Variants in ZBTB20 observed in about 807,000 individuals in gnomAD.
The protein encoded by ZBTB20 is zinc finger and BTB domain-containing protein 20.
Under a neutral mutation model 56.9 loss-of-function variants are expected in ZBTB20, and 9 were observed. That is an observed-to-expected ratio of 0.16 (90% CI 0.10 to 0.28). The LOEUF is 0.28. ZBTB20 is among the 10% of genes least tolerant of loss of function. The probability of loss-of-function intolerance (pLI) is 1.00; values close to 1 mark genes in which losing one functional copy is unlikely to be tolerated. For synonymous variants in ZBTB20, 417 were observed against 420.7 expected, an observed-to-expected ratio of 0.99 and a Z score of 0.11; for missense variants, 655 against 1,003.0, an observed-to-expected ratio of 0.65 and a Z score of 4.69.
chr3:114,692,976 A>G (rs2062789038), intron 6 of ZBTB20, among the ~76,000 whole-genome samples: 1 of 152,156 alleles, frequency 6.6e-6, no homozygotes. Context: ...AAGAGCAACC[A>G]TGTCTAATTT....
intron 5 of ZBTB20, among the ~76,000 whole-genome samples, chr3:114,717,386 T>C (rs540214786): frequency 2.0e-5 from 3 of 152,102 alleles, no homozygotes; most frequent in Non-Finnish European, 4.4e-5. Flanking sequence ...ACATTACCAG[T>C]AGCTAGTAGA....
Position 114,339,196 on chromosome 3 carries a change from G to A in ZBTB20, c.2035C>T (p.Arg679Ter), listed in dbSNP as rs1425346626. Reference protein sequence around the residue: ...KKFSHKTLLERHVALHSASNG... With the variant: ...KKFSHKTLLE Reference sequence around the variant, plus strand: ...CTGGCACTGTGCAGGGCCACGTGTCGCTCCAGGAGGGTCTTGTGAGAGAAC... The same window carrying A: ...CTGGCACTGTGCAGGGCCACGTGTCACTCCAGGAGGGTCTTGTGAGAGAAC... The change falls in exon 12 of 12, where the codon CGA becomes TGA. Residue 679 changes from arginine (R) to a stop codon, truncating the protein, a stop_gained. Coordinates refer to ENST00000675478, the MANE Select transcript of ZBTB20 (RefSeq NM_001348800.3). LOFTEE classifies it high-confidence loss of function. The surrounding 1 kb of genome is among the most constrained non-coding windows in gnomAD (Gnocchi z 4.2). The A allele has an allele frequency of 6.2e-7, 1 of 1,614,234 alleles. No homozygotes were observed.
chr3:114,771,768 C>T (rs1214229287), intron 5 of ZBTB20, among the ~76,000 whole-genome samples: 1 of 152,122 alleles, frequency 6.6e-6, no homozygotes, highest in Non-Finnish European at 1.5e-5. Context: ...GTCCACGTTT[C>T]CTTTTGACCT....
At position 114,748,322 on chromosome 3, in the gene ZBTB20, CT is replaced by C. The variant is rs149305083; in HGVS notation, c.-343+52778del. ...TCTTTCTTTCTTTCTTTCTTTCTTT[CT>C]TTCTTTCTTTCTTCTTTCTTTCTTT... On this transcript the variant is annotated intron_variant, in intron 5 of 11. Coordinates refer to ENST00000675478, the MANE Select transcript of ZBTB20 (RefSeq NM_001348800.3). Among the ~76,000 whole-genome samples, 806 of 114,142 alleles carry C rather than the reference CT, an allele frequency of 7.1e-3. 4 individuals carry two copies. Among genetic ancestry groups the C allele is most frequent in the African/African-American group, 0.011 (331 of 30,572 alleles). The allele number at this position is 114,142 out of a possible 152,430, so 74.9% of individuals were successfully genotyped here. A position where few individuals can be genotyped will look rare whatever the true frequency, so the allele number is the denominator to read the frequency against.
At position 114,674,371 on chromosome 3, in the gene ZBTB20, T is replaced by C. The variant is rs546121743; in HGVS notation, c.-295+19157A>G. Among the ~76,000 whole-genome samples the C allele has an allele frequency of 4.6e-5, 7 of 152,350 alleles. No homozygotes were observed. In the South Asian group the frequency reaches 1.4e-3, roughly 32 times the overall value. Reference sequence around the variant, plus strand: ...GGTCTTGGACAAGTTTTAATTCTAGTTGTTTTATAGCTCATACAAAATAGT... The same window carrying C: ...GGTCTTGGACAAGTTTTAATTCTAGCTGTTTTATAGCTCATACAAAATAGT... On this transcript the variant is annotated intron_variant, in intron 6 of 11. Coordinates refer to ENST00000675478, the MANE Select transcript of ZBTB20 (RefSeq NM_001348800.3).
chr3:114,403,519 C>A (rs755112982), intron 7 of ZBTB20, among the ~76,000 whole-genome samples: 1 of 151,880 alleles, frequency 6.6e-6, no homozygotes, highest in Non-Finnish European at 1.5e-5. Flanking sequence ...ATATCTGGAA[C>A]TCTAGAAACT....
intron 4 of ZBTB20, among the ~76,000 whole-genome samples, chr3:114,852,139 T>C (rs2075031584): frequency 6.6e-6 from 1 of 152,024 alleles, no homozygotes; most frequent in African/African-American, 2.4e-5. Flanking sequence ...CCCATTAGAG[T>C]TTTATTTTCT....
intron 4 of ZBTB20, among the ~76,000 whole-genome samples, chr3:114,891,876 G>A (rs1037944072): frequency 5.3e-5 from 8 of 151,926 alleles, no homozygotes; most frequent in Non-Finnish European, 8.8e-5. Flanking sequence ...GTGAAACCCC[G>A]TCTCTACTAA....
intron 6 of ZBTB20, among the ~76,000 whole-genome samples, chr3:114,593,553 T>C (rs1489002210): frequency 6.6e-6 from 1 of 151,998 alleles, no homozygotes; most frequent in Non-Finnish European, 1.5e-5. Context: ...CATGGCTAAT[T>C]TTGTATTTTT....
intron 4 of ZBTB20, among the ~76,000 whole-genome samples, chr3:114,885,621 T>G (rs652904): frequency 6.6e-6 from 1 of 151,920 alleles, no homozygotes; most frequent in Non-Finnish European, 1.5e-5. Context: ...ACAGGTTAAT[T>G]CAATTAATGT....
At chr3:114,504,775 T>C (rs544910580) in intron 6 of ZBTB20, among the ~76,000 whole-genome samples, 79 of 152,308 alleles carry the variant, frequency 5.2e-4, no homozygotes, top group Non-Finnish European at 1.0e-3. Flanking sequence ...TTGAGAAGCA[T>C]GGTTAGCAGT....
rs369561756 is a variant in ZBTB20, at chr3:115,055,300, G to T, written c.-507+15919C>A. On this transcript the variant is annotated intron_variant, in intron 2 of 11. Transcript: ENST00000675478. ...CAAGCAGCCCTACAGACAGGACTTT[G>T]TGGTCAGAAACTGAGACTTCCTACC... Among the ~76,000 whole-genome samples, 389 of 148,936 alleles carry T rather than the reference G, an allele frequency of 2.6e-3. 2 individuals are homozygous for T. The highest frequency in any genetic ancestry group is 9.4e-3 in the African/African-American group (381 of 40,516).
At chr3:115,041,900 C>A (rs770310806) in intron 2 of ZBTB20, among the ~76,000 whole-genome samples, 1 of 152,146 alleles carries the variant, frequency 6.6e-6, no homozygotes, top group Non-Finnish European at 1.5e-5. Flanking sequence ...TGAGGGAAAG[C>A]GGCTATAATG....
chr3:115,043,790 G>A (rs2081239377), intron 2 of ZBTB20, among the ~76,000 whole-genome samples: 1 of 151,792 alleles, frequency 6.6e-6, no homozygotes, highest in Non-Finnish European at 1.5e-5. Flanking sequence ...AGAATTTATT[G>A]TCTATTATGG....
chr3:114,685,791 C>T (rs908919378), intron 6 of ZBTB20, among the ~76,000 whole-genome samples: 11 of 151,752 alleles, frequency 7.2e-5, no homozygotes, highest in Non-Finnish European at 1.2e-4. Context: ...CTTTTCATAC[C>T]GTATGCTTTG....
intron 6 of ZBTB20, among the ~76,000 whole-genome samples, chr3:114,542,045 A>G (rs2049172178): frequency 6.6e-6 from 1 of 152,210 alleles, no homozygotes. Flanking sequence ...ATATGAAACA[A>G]TGATAATTTA....
rs79393881 is a variant in ZBTB20 at position 114,361,744 on chromosome 3, A to G, written c.200-9866T>C. 6.4e-4 allele frequency among the ~76,000 whole-genome samples: 97 copies of G among 152,334 alleles called. 1 individual carries two copies. In the East Asian group the frequency reaches 0.016, roughly 24 times the overall value. On this transcript the variant is annotated intron_variant, in intron 10 of 11. Transcript: ENST00000675478. The stretch of plus-strand genomic sequence containing the variant: ...AGAGAAAAACAATCCACTTTCCCTC[A>G]AATGCAGAAGGTAGCAAGGTCTCTA...
intron 1 of ZBTB20, among the ~76,000 whole-genome samples, chr3:115,125,266 CCAGGAGGTCAAGACAGGAGT>C (rs756673502): frequency 6.0e-4 from 91 of 151,642 alleles, no homozygotes; most frequent in Non-Finnish European, 1.1e-3. Context: ...TCCCCTGAGC[CCAGGAGGTCAAGACAGGAGT>C]GAACCATGAT....
intron 6 of ZBTB20, among the ~76,000 whole-genome samples, chr3:114,577,785 T>C (rs567496571): frequency 4.9e-4 from 74 of 152,296 alleles, no homozygotes; most frequent in African/African-American, 1.4e-3. Context: ...TACAGCATTA[T>C]GATAAAATAT....
Sources: allele counts gnomAD v4.1 joint callset (sites outside exome capture counted in the v4.1 genomes callset), GRCh38; gene constraint gnomAD v4.1.1; non-coding constraint Gnocchi (gnomAD v3.1); transcripts MANE v1.5; gene names NCBI Gene and HGNC (gene_info 2026-07-23, HGNC 2026-07-21).